NAV1: variants seen among roughly 807,000 people sequenced by gnomAD.
NAV1 encodes the protein pore membrane and/or filament interacting like protein 3.
Under a neutral mutation model 175.2 loss-of-function variants are expected in NAV1, and 18 were observed. The ratio of observed to expected loss-of-function variants is 0.10; its 90% CI spans 0.07 to 0.15. The LOEUF is 0.15. Among genes scored for constraint, NAV1 ranks in the 10% least tolerant of loss-of-function variants. NAV1 has a pLI of 1.00. For missense variants in NAV1, 1,731 were observed against 2,436.6 expected, an observed-to-expected ratio of 0.71 and a Z score of 6.10; for synonymous variants, 897 against 978.7, an observed-to-expected ratio of 0.92 and a Z score of 1.56.
chr1:201,650,430 G>A (rs942068416), intron 1 of NAV1, among the ~76,000 whole-genome samples: 2 of 152,230 alleles, frequency 1.3e-5, no homozygotes, highest in Non-Finnish European at 2.9e-5. Context: ...GCCCAGGCGA[G>A]CTGCTTTGGC....
chr1:201,580,490 C>T (rs1258718597), intron 1 of NAV1, among the ~76,000 whole-genome samples: 1 of 152,170 alleles, frequency 6.6e-6, no homozygotes, highest in Non-Finnish European at 1.5e-5. Context: ...ATGAGGTTTT[C>T]AGCCAGGAGT....
intron 1 of NAV1, among the ~76,000 whole-genome samples, chr1:201,545,468 G>A (rs1036890393): frequency 1.3e-5 from 2 of 151,336 alleles, no homozygotes; most frequent in Admixed American, 6.6e-5. Flanking sequence ...CCAGATACAT[G>A]TTGGCCAGGC....
chr1:201,650,110 G>C (rs1011873266), intron 1 of NAV1, among the ~76,000 whole-genome samples: 3 of 152,266 alleles, frequency 2.0e-5, no homozygotes, highest in African/African-American at 7.2e-5. Flanking sequence ...AGCTCTGGGC[G>C]TTAGCGCCGA....
At position 201,718,725 on chromosome 1, in the gene NAV1, C is replaced by T; in HGVS notation, c.1196C>T (p.Thr399Ile). 1 of 1,612,708 alleles carries T rather than the reference C, an allele frequency of 6.2e-7. No individual in the cohort carries two copies. The highest frequency in any genetic ancestry group is 8.5e-7 in the Non-Finnish European group (1 of 1,178,904). Residue 399 changes from threonine (T) to isoleucine (I), a missense_variant, in exon 3 of 30, where the codon ACC becomes ATC. Transcript: ENST00000367296. The surrounding 1 kb of genome is among the most constrained non-coding windows in gnomAD (Gnocchi z 4.8). ...AGCGACAGTGACCTCATGGGCAAGA[C>T]CATGACGGAGGATGATGACATCACT... is the stretch of plus-strand genomic sequence containing the variant.
At chr1:201,637,040 G>T (rs1279284588) in intron 2 of NAV1, among the ~76,000 whole-genome samples, 1 of 152,150 alleles carries the variant, frequency 6.6e-6, no homozygotes, top group Non-Finnish European at 1.5e-5. Context: ...CCAAGTAATT[G>T]CCAGTGATTA....
chr1:201,771,306 T>C (rs2102673113), intron 3 of NAV1, among the ~76,000 whole-genome samples: 1 of 143,688 alleles, frequency 7.0e-6, no homozygotes, highest in South Asian at 2.2e-4. Flanking sequence ...AGGTCAGGAG[T>C]TCAAGACCAG....
chr1:201,817,941 T>C (rs1679163003), intron 29 of NAV1, among the ~76,000 whole-genome samples: 1 of 152,146 alleles, frequency 6.6e-6, no homozygotes, highest in South Asian at 2.1e-4. Flanking sequence ...ATAAAAGATA[T>C]AAACAGCTGG....
chr1:201,686,478 G>T (rs1670690330), intron 1 of NAV1, among the ~76,000 whole-genome samples: 1 of 152,192 alleles, frequency 6.6e-6, no homozygotes, highest in South Asian at 2.1e-4. Flanking sequence ...TGAATAGGTG[G>T]GGAGCAAGCC....
At chr1:201,567,150 A>G (rs2102164183) in intron 1 of NAV1, among the ~76,000 whole-genome samples, 1 of 152,122 alleles carries the variant, frequency 6.6e-6, no homozygotes, top group South Asian at 2.1e-4. Context: ...GCGGTTGGAA[A>G]TCAGTATCAC....
chr1:201,651,159 GTC>G (rs1553248664), intron 1 of NAV1, among the ~76,000 whole-genome samples: 4 of 151,074 alleles, frequency 2.6e-5, no homozygotes, highest in African/African-American at 9.8e-5. Context: ...GTGTGTGTGT[GTC>G]AGACTGAGAG....
At chr1:201,600,576 G>A (rs1031176504) in intron 2 of NAV1, among the ~76,000 whole-genome samples, 5 of 152,186 alleles carry the variant, frequency 3.3e-5, no homozygotes, top group African/African-American at 9.7e-5. Flanking sequence ...GGGAAACTGG[G>A]TGAAGCGTAG....
chr1:201,685,117 C>A (rs1302368674), intron 1 of NAV1, among the ~76,000 whole-genome samples: 1 of 151,698 alleles, frequency 6.6e-6, no homozygotes, highest in African/African-American at 2.4e-5. Context: ...ACTAAAAATA[C>A]AAAAATTAGC....
chr1:201,698,479 T>G (rs1671280121), intron 1 of NAV1, among the ~76,000 whole-genome samples: 1 of 152,202 alleles, frequency 6.6e-6, no homozygotes, highest in African/African-American at 2.4e-5. Context: ...TAATCAGTGC[T>G]TCAGAGGCGG....
chr1:201,711,774 C>T (rs1306090995), intron 1 of NAV1, among the ~76,000 whole-genome samples: 3 of 152,202 alleles, frequency 2.0e-5, no homozygotes, highest in Non-Finnish European at 4.4e-5. Flanking sequence ...TGGGGCAGGG[C>T]CAGCTTCTCT....
At chr1:201,572,948 A>G (rs1666590263) in intron 1 of NAV1, among the ~76,000 whole-genome samples, 2 of 151,916 alleles carry the variant, frequency 1.3e-5, no homozygotes, top group African/African-American at 4.8e-5. Flanking sequence ...TTCCTACTCC[A>G]TCTTGCCCCT....
chr1:201,638,866 A>G (rs1279986843), intron 2 of NAV1, among the ~76,000 whole-genome samples: 2 of 152,236 alleles, frequency 1.3e-5, no homozygotes, highest in Non-Finnish European at 2.9e-5. Context: ...CTTTCAGTTC[A>G]GCAAGGATCA....
chr1:201,818,690 A>G (rs1679213002), intron 29 of NAV1, among the ~76,000 whole-genome samples: 1 of 152,236 alleles, frequency 6.6e-6, no homozygotes, highest in African/African-American at 2.4e-5. Flanking sequence ...ATGGAAGCAT[A>G]GACTTTTATA....
At chr1:201,565,108 TG>T (rs1020945988) in intron 1 of NAV1, among the ~76,000 whole-genome samples, 4 of 152,216 alleles carry the variant, frequency 2.6e-5, no homozygotes, top group African/African-American at 9.7e-5. Context: ...TGGGCATCTT[TG>T]GGGTCCGTTA....
At chr1:201,751,044 G>T (rs1674068100) in intron 3 of NAV1, among the ~76,000 whole-genome samples, 1 of 152,166 alleles carries the variant, frequency 6.6e-6, no homozygotes, top group Admixed American at 6.5e-5. Context: ...TGATCATAAA[G>T]CCTCAGAACA....
Sources: allele counts gnomAD v4.1 joint callset (sites outside exome capture counted in the v4.1 genomes callset), GRCh38; gene constraint gnomAD v4.1.1; non-coding constraint Gnocchi (gnomAD v3.1); transcripts MANE v1.5; gene names NCBI Gene and HGNC (gene_info 2026-07-23, HGNC 2026-07-21).